The following KCNJ12 variants were observed in gnomAD, a reference collection of about 807,000 sequenced individuals.
KCNJ12 encodes the protein potassium inwardly rectifying channel subfamily J member 12, also known as ATP-sensitive inward rectifier potassium channel 12.
Under a neutral mutation model 22.3 loss-of-function variants are expected in KCNJ12, and 2 were observed. The observed-to-expected ratio is 0.09, with a 90% confidence interval of 0.04 to 0.28. The LOEUF (loss-of-function observed/expected upper bound fraction) is 0.28. KCNJ12 is among the 10% of genes least tolerant of loss of function. The pLI is 1.00. For missense variants in KCNJ12, 155 were observed against 633.3 expected (o/e 0.24, Z 8.11); for synonymous variants, 117 against 261.4 (o/e 0.45, Z 5.33).
At chr17:21,392,036 C>T (rs918854304) in intron 1 of KCNJ12, among the ~76,000 whole-genome samples, 3 of 152,192 alleles carry the variant, frequency 2.0e-5, no homozygotes, top group African/African-American at 4.8e-5. Context: ...GAGGTAGAAC[C>T]GGCTGACTTA....
chr17:21,388,172 C>T (rs562578525), intron 1 of KCNJ12, among the ~76,000 whole-genome samples: 20 of 152,320 alleles, frequency 1.3e-4, no homozygotes, highest in South Asian at 6.2e-4. Context: ...TTATCCTTCC[C>T]GGCAGAGAAG....
chr17:21,389,915 C>T (rs1174764772), intron 1 of KCNJ12, among the ~76,000 whole-genome samples: 1 of 152,280 alleles, frequency 6.6e-6, no homozygotes, highest in East Asian at 1.9e-4. Context: ...CCTTGCTGCT[C>T]AGGGCTGCCC....
intron 1 of KCNJ12, among the ~76,000 whole-genome samples, chr17:21,403,891 A>G (rs1597571850): frequency 6.6e-6 from 1 of 152,310 alleles, no homozygotes; most frequent in Non-Finnish European, 1.5e-5. Flanking sequence ...TGGAGACAGG[A>G]TTTGAATTCA....
intron 1 of KCNJ12, among the ~76,000 whole-genome samples, chr17:21,402,953 G>T (rs1388276800): frequency 8.5e-5 from 13 of 152,296 alleles, no homozygotes; most frequent in Admixed American, 6.5e-5. Context: ...GCTCCTCTCT[G>T]TGCCTCATTT....
chr17:21,397,109 A>T (rs1242503707), intron 1 of KCNJ12, among the ~76,000 whole-genome samples: 2 of 152,236 alleles, frequency 1.3e-5, no homozygotes, highest in African/African-American at 4.8e-5. Context: ...GATGCTTGGC[A>T]GTAAAGGCAT....
chr17:21,385,153 C>G (rs1324583383), intron 1 of KCNJ12, among the ~76,000 whole-genome samples: 17 of 152,152 alleles, frequency 1.1e-4, no homozygotes, highest in African/African-American at 4.1e-4. Context: ...TGGAACCTGG[C>G]CTGAGATGCA....
chr17:21,414,175 G>T (rs1215248785), intron 2 of KCNJ12, among the ~76,000 whole-genome samples: 1 of 152,296 alleles, frequency 6.6e-6, no homozygotes, highest in Admixed American at 6.5e-5. Context: ...TCTAGGCCCT[G>T]GGAAGGACAA....
intron 1 of KCNJ12, among the ~76,000 whole-genome samples, chr17:21,382,842 C>T (rs1449320323): frequency 1.3e-5 from 2 of 152,172 alleles, no homozygotes; most frequent in Non-Finnish European, 2.9e-5. Flanking sequence ...AACCAGGTAA[C>T]ATGAGGACTG....
At chr17:21,382,088 C>G (rs1555558000) in intron 1 of KCNJ12, among the ~76,000 whole-genome samples, 1 of 152,242 alleles carries the variant, frequency 6.6e-6, no homozygotes, top group African/African-American at 2.4e-5. Context: ...GGCCTGCCAT[C>G]TGTCTGTCTG....
intron 1 of KCNJ12, among the ~76,000 whole-genome samples, chr17:21,396,683 G>A (rs1597565504): frequency 1.3e-5 from 2 of 152,310 alleles, no homozygotes; most frequent in South Asian, 4.1e-4. Flanking sequence ...ACGACAAGAG[G>A]ATGTGATTCA....
intron 1 of KCNJ12, among the ~76,000 whole-genome samples, chr17:21,387,143 G>T (rs558962938): frequency 6.6e-6 from 1 of 150,444 alleles, no homozygotes. Flanking sequence ...GTGACAGAGC[G>T]AGACTCCGTC....
intron 1 of KCNJ12, among the ~76,000 whole-genome samples, chr17:21,389,725 G>A (rs1341257384): frequency 6.6e-6 from 1 of 152,064 alleles, no homozygotes; most frequent in Admixed American, 6.5e-5. Context: ...GGGGGTTGGG[G>A]GCTGCTGTGG....
intron 2 of KCNJ12, among the ~76,000 whole-genome samples, chr17:21,410,284 C>T (rs199563771): frequency 4.0e-5 from 6 of 149,810 alleles, no homozygotes; most frequent in East Asian, 2.0e-4. Flanking sequence ...GCAAGGGCAC[C>T]GGCTCAGAGC....
chr17:21,397,258 T>C (rs915485975), intron 1 of KCNJ12, among the ~76,000 whole-genome samples: 1 of 152,174 alleles, frequency 6.6e-6, no homozygotes, highest in African/African-American at 2.4e-5. Context: ...CAGGGCGCAG[T>C]GAGGCAGTCA....
chr17:21,383,358 G>C (rs1196153628), intron 1 of KCNJ12, among the ~76,000 whole-genome samples: 11 of 152,170 alleles, frequency 7.2e-5, no homozygotes, highest in African/African-American at 2.4e-4. Context: ...GGGGCTCCTG[G>C]TTCCGGGCCA....
chr17:21,382,491 A>G (rs1237523814), intron 1 of KCNJ12, among the ~76,000 whole-genome samples: 1 of 120,830 alleles, frequency 8.3e-6, no homozygotes, highest in African/African-American at 2.8e-5. Context: ...TCTCCTTTCC[A>G]GTCTTTTTTT....
At chr17:21,392,244 G>A (rs1035016770) in intron 1 of KCNJ12, among the ~76,000 whole-genome samples, 1 of 152,228 alleles carries the variant, frequency 6.6e-6, no homozygotes, top group Non-Finnish European at 1.5e-5. Flanking sequence ...TGGACCTACC[G>A]GAGGTGCTGT....
chr17:21,389,138 C>T (rs1905146334), intron 1 of KCNJ12, among the ~76,000 whole-genome samples: 1 of 152,196 alleles, frequency 6.6e-6, no homozygotes, highest in Non-Finnish European at 1.5e-5. Context: ...TAGGCTGTTT[C>T]AGAATTCCAG....
intron 1 of KCNJ12, among the ~76,000 whole-genome samples, chr17:21,378,058 C>G (rs1904729088): frequency 6.6e-6 from 1 of 152,270 alleles, no homozygotes; most frequent in Non-Finnish European, 1.5e-5. Context: ...GAGGCGCCCA[C>G]ACGCCACTGA....
Sources: gnomAD v4.1 joint callset for allele counts (sites outside exome capture counted in the v4.1 genomes callset) on GRCh38, gnomAD v4.1.1 for gene constraint, MANE v1.5 for transcripts, NCBI Gene and HGNC (gene_info 2026-07-23, HGNC 2026-07-21) for gene names.